The following PHIP variants were observed in gnomAD, a reference collection of about 807,000 sequenced individuals.
PHIP encodes PHIP subunit of CUL4-Ring ligase complex, also known as PH-interacting protein.
A neutral mutation model predicts 236.8 loss-of-function variants in PHIP; 54 were observed. The ratio of observed to expected loss-of-function variants is 0.23; its 90% confidence interval spans 0.18 to 0.29. The LOEUF (loss-of-function observed/expected upper bound fraction) is 0.29, where lower values mean the gene tolerates loss of function less well. Ranked by LOEUF, PHIP falls within the 10% of genes least tolerant of loss-of-function variation. PHIP has a pLI of 1.00. For synonymous variants in PHIP, 756 were observed against 718.9 expected (o/e 1.05, Z -0.83); for missense variants, 1,370 against 2,190.8 (o/e 0.63, Z 7.48).
intron 17 of PHIP, among the ~76,000 whole-genome samples, chr6:79,000,878 T>C (rs1384608198): frequency 1.3e-5 from 2 of 152,094 alleles, no homozygotes; most frequent in Admixed American, 1.3e-4. Flanking sequence ...ATTCCTCTAA[T>C]GCTTCTTCTC....
chr6:79,042,709 A>G lies in PHIP; in HGVS notation c.600+134T>C, dbSNP rs906766581. ...AAATTTAACTAAACTCTTCTGTTAG[A>G]GTAAGTGAAACCACCTGAATTTCCG... On this transcript the variant is annotated intron_variant, in intron 7 of 39. Coordinates refer to ENST00000275034, the MANE Select transcript of PHIP (RefSeq NM_017934.7). The G allele has an allele frequency of 1.4e-5, 8 of 582,812 alleles. No homozygotes were observed. The African/African-American group carries it at 1.5e-4, about 11-fold the overall frequency. 36.1% of individuals were successfully genotyped at this position (582,812 alleles called of 1,614,324 possible).
Position 79,026,692 on chromosome 6 carries a change from A to G in PHIP, c.601-528T>C, listed in dbSNP as rs1771417620. On this transcript the variant is annotated intron_variant, in intron 7 of 39. Transcript: ENST00000275034. ...ATCTGTATGAAGTCAATAAAAATAC[A>G]TAATTACTTGTTTACTCTGCCATAG... Among the ~76,000 whole-genome samples, 5 of 152,172 alleles carry G rather than the reference A, an allele frequency of 3.3e-5. No homozygotes were observed. In the South Asian group the frequency reaches 1.0e-3, roughly 32 times the overall value.
intron 6 of PHIP, among the ~76,000 whole-genome samples, chr6:79,059,591 T>TTATATA (rs72226338): frequency 0.01 from 858 of 84,598 alleles, 7 homozygotes; most frequent in South Asian, 0.021. Flanking sequence ...GAAAGCAAAA[T>TTATATA]TATATATATA....
chr6:78,949,981 G>T (rs1489744468), intron 35 of PHIP, among the ~76,000 whole-genome samples: 1 of 152,096 alleles, frequency 6.6e-6, no homozygotes, highest in Non-Finnish European at 1.5e-5. Flanking sequence ...GAGCCACCAT[G>T]CTTGGCCTGG....
At chr6:79,018,610 A>G (rs938745176) in intron 10 of PHIP, among the ~76,000 whole-genome samples, 1 of 151,970 alleles carries the variant, frequency 6.6e-6, no homozygotes, top group Non-Finnish European at 1.5e-5. Flanking sequence ...ACAAATCTGA[A>G]TTGGAATCTT....
intron 24 of PHIP, among the ~76,000 whole-genome samples, chr6:78,974,122 G>C (rs1301937861): frequency 2.0e-5 from 3 of 151,722 alleles, no homozygotes; most frequent in Non-Finnish European, 4.4e-5. Flanking sequence ...CCACATACTT[G>C]GAAGTAAAGC....
At chr6:79,060,878 T>C (rs935031181) in intron 4 of PHIP, 60 bp from the exon 5 acceptor site, 2 of 1,175,588 alleles carry the variant, frequency 1.7e-6, no homozygotes, top group African/African-American at 3.1e-5. Flanking sequence ...TTCAAAATCT[T>C]TGAGCAACAA....
chr6:78,986,387 A>G (rs1562154277), intron 21 of PHIP, among the ~76,000 whole-genome samples: 1 of 152,388 alleles, frequency 6.6e-6, no homozygotes, highest in Non-Finnish European at 1.5e-5. Flanking sequence ...TCCAATAACA[A>G]TAACACCTCA....
intron 15 of PHIP, among the ~76,000 whole-genome samples, chr6:79,008,572 T>C (rs1222230012): frequency 8.3e-6 from 1 of 120,962 alleles, no homozygotes; most frequent in Non-Finnish European, 1.9e-5. Context: ...TGTGTCTTCC[T>C]TGACACACCC....
intron 6 of PHIP, among the ~76,000 whole-genome samples, chr6:79,058,632 T>C (rs1431827931): frequency 1.3e-5 from 2 of 152,134 alleles, no homozygotes; most frequent in African/African-American, 4.8e-5. Flanking sequence ...TTCAGTCTCC[T>C]CTGTAAAATA....
intron 1 of PHIP, 23 bp downstream of exon 1, chr6:79,078,006 G>T (rs1279770047): frequency 2.5e-6 from 4 of 1,607,698 alleles, no homozygotes; most frequent in Admixed American, 1.7e-5. Context: ...GGTGCCAGCG[G>T]CCCCGGCAGC....
At chr6:79,033,483 C>T (rs527622765) in intron 7 of PHIP, among the ~76,000 whole-genome samples, 7 of 152,186 alleles carry the variant, frequency 4.6e-5, no homozygotes, top group South Asian at 2.1e-4. Context: ...TGTTGCTTCA[C>T]GTTGCACTTT....
chr6:78,950,376 G>T (rs1157590794), intron 35 of PHIP, among the ~76,000 whole-genome samples: 1 of 152,128 alleles, frequency 6.6e-6, no homozygotes, highest in African/African-American at 2.4e-5. Context: ...AGTGAGTTGG[G>T]AATTTTGAGT....
At chr6:79,017,704 A>T in intron 10 of PHIP, 121 bp from the exon 11 acceptor site, 2 of 645,622 alleles carry the variant, frequency 3.1e-6, no homozygotes, top group Non-Finnish European at 5.4e-6. Flanking sequence ...CTCCAAAACC[A>T]TTCACATTTA....
At chr6:79,077,941 A>G (rs1005336271) in intron 1 of PHIP, 28 bp from the exon 2 acceptor site, 11 of 1,589,894 alleles carry the variant, frequency 6.9e-6, no homozygotes, top group African/African-American at 2.7e-5. Context: ...ACGGGGAGAC[A>G]CACAGGCTGA....
chr6:78,969,614 G>A (rs1767387773), intron 27 of PHIP, among the ~76,000 whole-genome samples: 1 of 152,030 alleles, frequency 6.6e-6, no homozygotes, highest in Non-Finnish European at 1.5e-5. Flanking sequence ...AAAGTCAAAT[G>A]TAACAGAAAA....
At position 79,077,919 on chromosome 6, in the gene PHIP, C is replaced by T. The variant is rs1230967879; in HGVS notation, c.41-6G>A. On this transcript the variant is annotated splice_polypyrimidine_tract_variant and splice_region_variant and intron_variant, in intron 1 of 39. Transcript: ENST00000275034. ...GGCGATGAGGAAGTAGAGCTCTGCG[C>T]GGGAGAGAGGGACGGGGAGACACAC... 3 of 1,593,970 alleles carry T rather than the reference C, an allele frequency of 1.9e-6. No individual in the cohort carries two copies. Among genetic ancestry groups the T allele is most frequent in the Non-Finnish European group, 8.5e-7 (1 of 1,171,152 alleles).
rs1023524816 is a variant in PHIP at position 79,017,544 on chromosome 6, A to G, written c.1034T>C (p.Ile345Thr). Residue 345 changes from isoleucine (I) to threonine (T), a missense_variant, in exon 11 of 40, where the codon ATT becomes ACT. Transcript: ENST00000275034. ...ACCTGATCCAAAAAAATAAACCCGA[A>G]TAATATGATCTGTGCTTCCCGTCGC... ...FLATGSTDHI[I>T]RVYFFGSGQP... is the part of the protein sequence containing the mutation. 1 of 1,612,346 alleles carries G rather than the reference A, an allele frequency of 6.2e-7. No individual in the cohort carries two copies. The highest frequency in any genetic ancestry group is 8.5e-7 in the Non-Finnish European group (1 of 1,178,730).
At chr6:79,076,456 G>C (rs1207595912) in intron 4 of PHIP, among the ~76,000 whole-genome samples, 2 of 152,116 alleles carry the variant, frequency 1.3e-5, no homozygotes, top group South Asian at 4.1e-4. Flanking sequence ...CAACGAACCT[G>C]TATCAGTTTA....
Sources: allele counts gnomAD v4.1 joint callset (sites outside exome capture counted in the v4.1 genomes callset), GRCh38; gene constraint gnomAD v4.1.1; transcripts MANE v1.5; gene names NCBI Gene and HGNC (gene_info 2026-07-23, HGNC 2026-07-21).